SNRPD1: variants seen among roughly 807,000 people sequenced by gnomAD.
SNRPD1 encodes small nuclear ribonucleoprotein D1 polypeptide, also known as small nuclear ribonucleoprotein Sm D1.
In SNRPD1, 1 loss-of-function variant was observed where a neutral mutation model predicts 14.4. The ratio of observed to expected loss-of-function variants is 0.07; its 90% confidence interval spans 0.02 to 0.33. The LOEUF (loss-of-function observed/expected upper bound fraction) is 0.33. Among genes scored for constraint, SNRPD1 ranks in the 10% least tolerant of loss-of-function variants. The probability of loss-of-function intolerance (pLI) is 1.00; values close to 1 mark genes in which losing one functional copy is unlikely to be tolerated. For missense variants in SNRPD1, 52 were observed against 146.4 expected (o/e 0.36, Z 3.33); for synonymous variants, 42 against 50.3 (o/e 0.83, Z 0.70).
chr18:21,628,565 C>G (rs1047653826), intron 3 of SNRPD1, among the ~76,000 whole-genome samples: 1 of 152,098 alleles, frequency 6.6e-6, no homozygotes, highest in African/African-American at 2.4e-5. Context: ...ATGTGTAGGT[C>G]AAATGAGTTT....
At chr18:21,625,315 A>ATTTTTTTTTTTT (rs748864232) in intron 3 of SNRPD1, among the ~76,000 whole-genome samples, 1,733 of 97,280 alleles carry the variant, frequency 0.018, 35 homozygotes, top group African/African-American at 0.033. Flanking sequence ...TGTTGAAAAA[A>ATTTTTTTTTTTT]ATTTTTTTTT....
At position 21,630,092 on chromosome 18, in the gene SNRPD1, T is replaced by G. The variant is rs1264819106; in HGVS notation, c.*954T>G. The G allele has an allele frequency of 3.9e-5, 6 of 152,178 alleles. No individual in the cohort carries two copies. The highest frequency in any genetic ancestry group is 1.4e-4 in the African/African-American group (6 of 41,460). 9.4% of individuals were successfully genotyped at this position (152,178 alleles called of 1,614,324 possible). On this transcript the variant is annotated 3_prime_UTR_variant, in exon 4 of 4. Coordinates refer to ENST00000300413, the MANE Select transcript of SNRPD1 (RefSeq NM_006938.4). ...TCTTAATAGGATATAGTTTTATGTT[T>G]TCCAAGTTATAACTTGGAGTTAATG... is the stretch of plus-strand genomic sequence containing the variant.
chr18:21,633,230 T>A lies in SNRPD1; in HGVS notation c.*4092T>A, dbSNP rs530977599. ...AGGAATAGAAAATGAAATATCAGTT[T>A]CTTTTAATCTATCATAATTATGTGA... On this transcript the variant is annotated 3_prime_UTR_variant, in exon 4 of 4. Transcript: ENST00000300413. The A allele has an allele frequency of 6.6e-6, 1 of 152,244 alleles. No individual in the cohort carries two copies. Among genetic ancestry groups the A allele is most frequent in the Non-Finnish European group, 1.5e-5 (1 of 68,046 alleles). 9.4% of individuals were successfully genotyped at this position (152,244 alleles called of 1,614,324 possible). A position where few individuals can be genotyped will look rare whatever the true frequency, so the allele number is the denominator to read the frequency against.
At chr18:21,612,493 C>T (rs759751779) in intron 1 of SNRPD1, 50 bp downstream of exon 1, 2 of 1,382,448 alleles carry the variant, frequency 1.4e-6, no homozygotes, top group South Asian at 1.5e-5. Context: ...AGGGCTTGGC[C>T]CGGAGTCCGG....
intron 1 of SNRPD1, among the ~76,000 whole-genome samples, 166 bp downstream of exon 1, chr18:21,612,609 G>T (rs1302489678): frequency 6.6e-6 from 1 of 152,262 alleles, no homozygotes; most frequent in Non-Finnish European, 1.5e-5. Context: ...CTGGGCTTCC[G>T]CCTGGGTCGC....
intron 3 of SNRPD1, among the ~76,000 whole-genome samples, chr18:21,625,296 T>G (rs914719181): frequency 6.7e-6 from 1 of 150,152 alleles, no homozygotes; most frequent in African/African-American, 2.5e-5. Context: ...TACTTTCTAT[T>G]TAAAATTTTG....
chr18:21,625,443 A>C (rs1314877886), intron 3 of SNRPD1, among the ~76,000 whole-genome samples: 2 of 148,370 alleles, frequency 1.3e-5, no homozygotes, highest in African/African-American at 2.5e-5. Flanking sequence ...CAGCCTCCCA[A>C]GTAGCTGGGA....
At chr18:21,613,906 A>C (rs1031856338) in intron 1 of SNRPD1, among the ~76,000 whole-genome samples, 3 of 151,568 alleles carry the variant, frequency 2.0e-5, no homozygotes, top group African/African-American at 4.8e-5. Context: ...TTGGTACAAA[A>C]GACATTTAAG....
intron 3 of SNRPD1, among the ~76,000 whole-genome samples, chr18:21,626,552 A>C (rs2039040645): frequency 6.6e-6 from 1 of 152,036 alleles, no homozygotes; most frequent in Non-Finnish European, 1.5e-5. Context: ...GCACTTTCAG[A>C]GGCTGAGGCA....
chr18:21,624,301 C>T (rs2039019044), intron 3 of SNRPD1, among the ~76,000 whole-genome samples: 1 of 151,778 alleles, frequency 6.6e-6, no homozygotes, highest in African/African-American at 2.4e-5. Context: ...ATCGCTTGAA[C>T]CCAGTAGGCG....
intron 1 of SNRPD1, among the ~76,000 whole-genome samples, chr18:21,617,345 A>T (rs976160071): frequency 1.3e-5 from 2 of 152,078 alleles, no homozygotes; most frequent in Non-Finnish European, 2.9e-5. Flanking sequence ...AGTGCCTGTA[A>T]TCCCAGCTAA....
chr18:21,622,899 A>G, intron 2 of SNRPD1, 98 bp downstream of exon 2: 1 of 587,878 alleles, frequency 1.7e-6, no homozygotes, highest in Non-Finnish European at 3.0e-6. Context: ...TTGTAGTACA[A>G]ATCCTTATTT....
rs773285397 is a variant in SNRPD1, at chr18:21,632,855, C to CTTCTCT, written c.*3719_*3720insCTCTTT. 35 of 134,664 alleles carry CTTCTCT rather than the reference C, an allele frequency of 2.6e-4. No homozygotes were observed. Among genetic ancestry groups the CTTCTCT allele is most frequent in the South Asian group, 2.2e-3 (10 of 4,518 alleles). 8.3% of individuals were successfully genotyped at this position (134,664 alleles called of 1,614,324 possible). A position where few individuals can be genotyped will look rare whatever the true frequency, so the allele number is the denominator to read the frequency against. On this transcript the variant is annotated 3_prime_UTR_variant, in exon 4 of 4. Coordinates refer to ENST00000300413, the MANE Select transcript of SNRPD1 (RefSeq NM_006938.4). ...CTTTTCTTTTCTTTTCTTTTCTTTTCTTTTTTTTTTTTTGAGACAGAGTCT... is the reference window on the plus strand; with the variant it reads ...CTTTTCTTTTCTTTTCTTTTCTTTTCTTCTCTTTTTTTTTTTTTTGAGACAGAGTCT...
rs555676704 is a variant in SNRPD1, at chr18:21,629,317, A to G, written c.*179A>G. 1.9e-6 allele frequency: 1 copy of G among 524,444 alleles called. No individual in the cohort carries two copies. Among genetic ancestry groups the G allele is most frequent in the African/African-American group, 1.9e-5 (1 of 52,742 alleles). 32.5% of individuals were successfully genotyped at this position (524,444 alleles called of 1,614,324 possible). A position where few individuals can be genotyped will look rare whatever the true frequency, so the allele number is the denominator to read the frequency against. On this transcript the variant is annotated 3_prime_UTR_variant, in exon 4 of 4. Transcript: ENST00000300413. ...ACCACAGTGAGAGCTAAGCATTTCT[A>G]CTGGGCAGTTTCATTTTTAGTTGAT...
In SNRPD1 at chr18:21,629,044, G is replaced by GT; in HGVS notation, c.284-13dup. ...TGCAGGAGAGAATTGAACTTGGTTT[G>GT]TTTTTCTTTTCCTTCAGTTGCAGGA... On this transcript the variant is annotated splice_polypyrimidine_tract_variant and intron_variant, in intron 3 of 3. Coordinates refer to ENST00000300413, the MANE Select transcript of SNRPD1 (RefSeq NM_006938.4). 4 of 1,610,362 alleles carry GT rather than the reference G, an allele frequency of 2.5e-6. No individual in the cohort carries two copies. The highest frequency in any genetic ancestry group is 2.5e-6 in the Non-Finnish European group (3 of 1,176,608).
chr18:21,622,890 TGTA>T, intron 2 of SNRPD1, 89 bp downstream of exon 2: 1 of 663,088 alleles, frequency 1.5e-6, no homozygotes, highest in Non-Finnish European at 2.7e-6. Context: ...TGAACATTAT[TGTA>T]GTACAAATCC....
chr18:21,619,256 TG>T lies in SNRPD1; in HGVS notation c.15-3468del, dbSNP rs1474522346. 1.2e-4 allele frequency among the ~76,000 whole-genome samples: 19 copies of T among 152,204 alleles called. No individual in the cohort carries two copies. In the South Asian group the frequency reaches 2.1e-3, roughly 17 times the overall value. ...GTTTAGTGGTGCAGTCTTGGCTCAC[TG>T]CAACCTCTGCCTCCCAGGCTCAAGC... On this transcript the variant is annotated intron_variant, in intron 1 of 3. Coordinates refer to ENST00000300413, the MANE Select transcript of SNRPD1 (RefSeq NM_006938.4).
In SNRPD1 at chr18:21,629,280, A is replaced by G. The variant is rs2039062802; in HGVS notation, c.*142A>G. 3 of 629,486 alleles carry G rather than the reference A, an allele frequency of 4.8e-6. No homozygotes were observed. The East Asian group carries it at 7.6e-5, about 16-fold the overall frequency. The allele number at this position is 629,486 out of a possible 1,614,324, so 39.0% of individuals were successfully genotyped here. ...TCAAAGTTTTAGTAGTTTCCTCCACATTCACGAAATTACCACAGTGAGAGC... is the reference window on the plus strand; with the variant it reads ...TCAAAGTTTTAGTAGTTTCCTCCACGTTCACGAAATTACCACAGTGAGAGC... On this transcript the variant is annotated 3_prime_UTR_variant, in exon 4 of 4. Coordinates refer to ENST00000300413, the MANE Select transcript of SNRPD1 (RefSeq NM_006938.4).
In SNRPD1 at chr18:21,632,115, GCT is replaced by G. The variant is rs1485766794; in HGVS notation, c.*2980_*2981del. 1.3e-5 allele frequency: 2 copies of G among 152,036 alleles called. No homozygotes were observed. The highest frequency in any genetic ancestry group is 2.9e-5 in the Non-Finnish European group (2 of 68,028). The allele number at this position is 152,036 out of a possible 1,614,324, so 9.4% of individuals were successfully genotyped here. ...AGCCTGGGTAACCTAGTGAGACCTG[GCT>G]CTTAAATTTAAAATTTAAATGAAAA... On this transcript the variant is annotated 3_prime_UTR_variant, in exon 4 of 4. Coordinates refer to ENST00000300413, the MANE Select transcript of SNRPD1 (RefSeq NM_006938.4).
Sources: gnomAD v4.1 joint callset for allele counts (sites outside exome capture counted in the v4.1 genomes callset) on GRCh38, gnomAD v4.1.1 for gene constraint, MANE v1.5 for transcripts, NCBI Gene and HGNC (gene_info 2026-07-23, HGNC 2026-07-21) for gene names.